Variants in SMAD1 observed in about 807,000 individuals in gnomAD.
The protein encoded by SMAD1 is MAD, mothers against decapentaplegic homolog 1.
Under a neutral mutation model 41.6 loss-of-function variants are expected in SMAD1, and 6 were observed. The ratio of observed to expected loss-of-function variants is 0.14; its 90% confidence interval spans 0.08 to 0.28. SMAD1 has a LOEUF of 0.28. Ranked by LOEUF, SMAD1 falls within the 10% of genes least tolerant of loss-of-function variation. The probability of loss-of-function intolerance (pLI) is 1.00; values close to 1 mark genes in which losing one functional copy is unlikely to be tolerated. For synonymous variants in SMAD1, 206 were observed against 203.2 expected, an observed-to-expected ratio of 1.01 and a Z score of -0.12; for missense variants, 379 against 582.6, an observed-to-expected ratio of 0.65 and a Z score of 3.60.
intron 1 of SMAD1, among the ~76,000 whole-genome samples, chr4:145,499,768 T>A (rs1729319269): frequency 6.6e-6 from 1 of 152,086 alleles, no homozygotes; most frequent in Admixed American, 6.5e-5. Flanking sequence ...TGAAACACCA[T>A]CTGGTCCCAA....
rs373113912 is a variant in SMAD1 at position 145,514,682 on chromosome 4, C to T, written c.69C>T (p.Gly23=). Residue 23 remains glycine, a synonymous_variant, in exon 2 of 7, where the codon GGC becomes GGT. Transcript: ENST00000302085. The surrounding 1 kb of genome is among the most constrained non-coding windows in gnomAD (Gnocchi z 4.7). ...AGAGACTTCTTGGGTGGAAACAGGG[C>T]GATGAAGAAGAAAAATGGGCAGAGA... ...AVKRLLGWKQ[G]DEEEKWAEKA... 24 of 1,613,562 alleles carry T rather than the reference C, an allele frequency of 1.5e-5. No homozygotes were observed. The highest frequency in any genetic ancestry group is 6.7e-5 in the African/African-American group (5 of 74,774).
chr4:145,522,473 G>C (rs1369986950), intron 2 of SMAD1, among the ~76,000 whole-genome samples: 1 of 151,568 alleles, frequency 6.6e-6, no homozygotes, highest in African/African-American at 2.4e-5. Flanking sequence ...GGTGGTGCAC[G>C]GCCTGTAATC....
At chr4:145,515,870 C>A (rs1730355035) in intron 2 of SMAD1, among the ~76,000 whole-genome samples, 1 of 152,060 alleles carries the variant, frequency 6.6e-6, no homozygotes, top group Non-Finnish European at 1.5e-5. Flanking sequence ...AAATCCTGAT[C>A]CTGGGATAGC....
chr4:145,499,891 A>G (rs149161609), intron 1 of SMAD1, among the ~76,000 whole-genome samples: 26 of 152,226 alleles, frequency 1.7e-4, no homozygotes, highest in African/African-American at 6.3e-4. Flanking sequence ...GTCCTACCTC[A>G]GATATTCAAT....
chr4:145,525,277 G>T lies in SMAD1; in HGVS notation c.400+10264G>T, dbSNP rs373371073. Among the ~76,000 whole-genome samples the T allele has an allele frequency of 2.6e-5, 4 of 152,154 alleles. No individual in the cohort carries two copies. In the East Asian group the frequency reaches 7.7e-4, roughly 29 times the overall value. On this transcript the variant is annotated intron_variant, in intron 2 of 6. Coordinates refer to ENST00000302085, the MANE Select transcript of SMAD1 (RefSeq NM_005900.3). ...CCCCTTAAAATGAAAATGTTCTCCG[G>T]AAAGACTAAGCATCATGACTAATAA...
intron 1 of SMAD1, among the ~76,000 whole-genome samples, chr4:145,489,691 G>A (rs912936672): frequency 2.6e-5 from 4 of 152,148 alleles, no homozygotes; most frequent in African/African-American, 4.8e-5. Flanking sequence ...TTTAAGGTGC[G>A]ATATCTAAGT....
chr4:145,529,761 C>G (rs1731223601), intron 2 of SMAD1, among the ~76,000 whole-genome samples: 1 of 152,156 alleles, frequency 6.6e-6, no homozygotes, highest in Non-Finnish European at 1.5e-5. Flanking sequence ...AATTGAAGTT[C>G]AAGTTCCACA....
At chr4:145,523,788 G>A (rs1730883904) in intron 2 of SMAD1, among the ~76,000 whole-genome samples, 1 of 152,192 alleles carries the variant, frequency 6.6e-6, no homozygotes, top group Admixed American at 6.5e-5. Flanking sequence ...GCTTCTGGCA[G>A]GAGGGGTGCC....
intron 1 of SMAD1, among the ~76,000 whole-genome samples, chr4:145,485,252 T>C (rs1045437001): frequency 1.3e-5 from 2 of 152,100 alleles, no homozygotes; most frequent in South Asian, 2.1e-4. Context: ...GTTTTTGTAT[T>C]TCTTGTAGAG....
At chr4:145,487,015 G>C (rs1321984112) in intron 1 of SMAD1, among the ~76,000 whole-genome samples, 1 of 152,076 alleles carries the variant, frequency 6.6e-6, no homozygotes, top group Admixed American at 6.6e-5. Flanking sequence ...ACCTAACATT[G>C]TTTGAGCTAA....
intron 1 of SMAD1, among the ~76,000 whole-genome samples, chr4:145,495,102 T>C (rs140648738): frequency 6.6e-6 from 1 of 152,074 alleles, no homozygotes; most frequent in East Asian, 1.9e-4. Context: ...GTCAGAAAAA[T>C]TTTTGGTTGT....
intron 2 of SMAD1, among the ~76,000 whole-genome samples, chr4:145,530,794 CTT>C (rs748123094): frequency 6.6e-6 from 1 of 152,224 alleles, no homozygotes; most frequent in African/African-American, 2.4e-5. Context: ...TCCACAGTCT[CTT>C]TCCAGTTTTA....
intron 1 of SMAD1, among the ~76,000 whole-genome samples, chr4:145,494,831 G>C (rs542373293): frequency 1.3e-5 from 2 of 152,192 alleles, no homozygotes; most frequent in Non-Finnish European, 2.9e-5. Flanking sequence ...TGTGATGTCA[G>C]TTGTGGGTGC....
chr4:145,488,603 G>C (rs1728616952), intron 1 of SMAD1, among the ~76,000 whole-genome samples: 1 of 151,936 alleles, frequency 6.6e-6, no homozygotes, highest in Admixed American at 6.6e-5. Context: ...AGGTGGGGGG[G>C]AGACTCTCTC....
intron 1 of SMAD1, among the ~76,000 whole-genome samples, chr4:145,505,567 C>T (rs1024236450): frequency 1.3e-5 from 2 of 149,980 alleles, no homozygotes; most frequent in African/African-American, 2.5e-5. Context: ...TGCAGTGAGC[C>T]GAGATCGCGC....
chr4:145,512,059 C>T lies in SMAD1; in HGVS notation c.-176-2379C>T, dbSNP rs182238133. Among the ~76,000 whole-genome samples, 582 of 152,280 alleles carry T rather than the reference C, an allele frequency of 3.8e-3. 1 individual carries two copies. Among genetic ancestry groups the T allele is most frequent in the African/African-American group, 0.013 (552 of 41,554 alleles). On this transcript the variant is annotated intron_variant, in intron 1 of 6. Coordinates refer to ENST00000302085, the MANE Select transcript of SMAD1 (RefSeq NM_005900.3). Reference sequence around the variant, plus strand: ...AGAATTTTAAGTTACCAGCTATTTACGTTTGGCACTAATGATGTCATTTCA... The same window carrying T: ...AGAATTTTAAGTTACCAGCTATTTATGTTTGGCACTAATGATGTCATTTCA...
At chr4:145,496,679 C>T (rs2126952021) in intron 1 of SMAD1, among the ~76,000 whole-genome samples, 1 of 152,206 alleles carries the variant, frequency 6.6e-6, no homozygotes, top group South Asian at 2.1e-4. Flanking sequence ...CCACTGAGAC[C>T]TGTATGCAAG....
intron 1 of SMAD1, among the ~76,000 whole-genome samples, chr4:145,498,725 A>G (rs1267223851): frequency 4.6e-5 from 7 of 152,174 alleles, no homozygotes; most frequent in Admixed American, 4.6e-4. Context: ...GATACTTTTT[A>G]CCACTTCTTA....
chr4:145,558,290 G>A lies in SMAD1; in HGVS notation c.*356G>A, dbSNP rs1220131570. On this transcript the variant is annotated 3_prime_UTR_variant, in exon 7 of 7. Coordinates refer to ENST00000302085, the MANE Select transcript of SMAD1 (RefSeq NM_005900.3). ...GATTCTTTGGTGTTTGGCACTTTAA[G>A]GTCATCGTTGGGCAGAAGTTTAGCA... Among the ~76,000 whole-genome samples the A allele has an allele frequency of 6.6e-6, 1 of 152,156 alleles. No individual in the cohort carries two copies. The highest frequency in any genetic ancestry group is 1.5e-5 in the Non-Finnish European group (1 of 68,030).
Sources: allele counts gnomAD v4.1 joint callset (sites outside exome capture counted in the v4.1 genomes callset), GRCh38; gene constraint gnomAD v4.1.1; non-coding constraint Gnocchi (gnomAD v3.1); transcripts MANE v1.5; gene names NCBI Gene and HGNC (gene_info 2026-07-23, HGNC 2026-07-21).